Variants in TBL1Y observed in about 807,000 individuals in gnomAD.
TBL1Y encodes F-box-like/WD repeat-containing protein TBL1Y.
TBL1Y carries 15 observed loss-of-function variants against 12.0 expected under a neutral mutation model. The observed-to-expected ratio is 1.25, with a 90% CI of 0.83 to 1.92. The LOEUF is 1.92. TBL1Y is among the 40% of genes most tolerant of loss of function. The pLI, the probability that TBL1Y is intolerant of heterozygous loss-of-function variation, is 0.00. For missense variants in TBL1Y, 148 were observed against 116.7 expected, an observed-to-expected ratio of 1.27 and a Z score of -1.24; for synonymous variants, 53 against 42.6, an observed-to-expected ratio of 1.24 and a Z score of -0.95.
chrY:6,939,907 G>A, intron 2 of TBL1Y, among the ~76,000 whole-genome samples: 2 of 29,066 alleles, frequency 6.9e-5, no homozygotes, highest in African/African-American at 2.7e-4. Flanking sequence ...ACTCCCAGCC[G>A]CTTCAGGTGA....
chrY:7,090,464 C>T (rs2013170529), intron 18 of TBL1Y, among the ~76,000 whole-genome samples: 1 of 34,108 alleles, frequency 2.9e-5, no homozygotes, highest in African/African-American at 1.1e-4. Flanking sequence ...TGATTCTGCA[C>T]CTCTGAGGAC....
At chrY:7,036,875 C>T in intron 6 of TBL1Y, among the ~76,000 whole-genome samples, 2 of 33,582 alleles carry the variant, frequency 6.0e-5, no homozygotes, top group South Asian at 1.4e-3. Context: ...TGCCGACCCT[C>T]AGCTGCTTTG....
intron 4 of TBL1Y, among the ~76,000 whole-genome samples, chrY:7,016,729 C>T (rs2012553480): frequency 3.0e-5 from 1 of 33,587 alleles, no homozygotes; most frequent in Non-Finnish European, 7.4e-5. Context: ...GTGTCCATCC[C>T]GTTTGTTGGC....
chrY:6,986,367 A>T, intron 3 of TBL1Y, among the ~76,000 whole-genome samples: 1 of 32,847 alleles, frequency 3.0e-5, no homozygotes, highest in African/African-American at 1.2e-4. Context: ...TCTCTACCAA[A>T]AATTTAAAAA....
At chrY:6,969,905 TA>T (rs759455918) in intron 2 of TBL1Y, among the ~76,000 whole-genome samples, 72 of 32,580 alleles carry the variant, frequency 2.2e-3, no homozygotes, top group African/African-American at 7.8e-3. Context: ...ATACCCTAAT[TA>T]AAAAAAATAC....
chrY:7,072,114 G>A (rs779420349), intron 12 of TBL1Y, among the ~76,000 whole-genome samples: 1 of 32,826 alleles, frequency 3.0e-5, no homozygotes, highest in African/African-American at 1.2e-4. Flanking sequence ...TGGCCAGACT[G>A]GTCTTGAACT....
At chrY:7,066,168 A>G in intron 8 of TBL1Y, among the ~76,000 whole-genome samples, 1 of 33,635 alleles carries the variant, frequency 3.0e-5, no homozygotes, top group Non-Finnish European at 7.4e-5. Flanking sequence ...CACCTTCCTG[A>G]ATGATAGACC....
intron 3 of TBL1Y, among the ~76,000 whole-genome samples, chrY:6,994,036 T>C (rs1036489461): frequency 3.0e-5 from 1 of 33,022 alleles, no homozygotes; most frequent in East Asian, 7.9e-4. Flanking sequence ...TTCTCCCTTT[T>C]GGAAATGTAA....
intron 4 of TBL1Y, among the ~76,000 whole-genome samples, chrY:7,003,339 A>T (rs2012464865): frequency 2.9e-5 from 1 of 33,904 alleles, no homozygotes; most frequent in Non-Finnish European, 7.3e-5. Flanking sequence ...TAGGGGAGTG[A>T]AGGTGTGGCA....
chrY:7,048,011 G>T (rs2012771294), intron 7 of TBL1Y, among the ~76,000 whole-genome samples: 1 of 31,916 alleles, frequency 3.1e-5, no homozygotes, highest in Non-Finnish European at 7.6e-5. Flanking sequence ...CACCCACCTT[G>T]GCTTCCCAAA....
chrY:7,063,734 AT>A (rs2012921008), intron 7 of TBL1Y, among the ~76,000 whole-genome samples, 162 bp from the exon 8 acceptor site: 2 of 33,433 alleles, frequency 6.0e-5, no homozygotes, highest in African/African-American at 2.4e-4. Flanking sequence ...TTTAGAACTC[AT>A]ATCTAACAGG....
intron 2 of TBL1Y, among the ~76,000 whole-genome samples, chrY:6,974,866 T>C (rs775451557): frequency 3.0e-5 from 1 of 33,750 alleles, no homozygotes; most frequent in South Asian, 6.7e-4. Context: ...ATACATTTAT[T>C]GGTATGACCA....
At chrY:6,993,054 G>T (rs2012378466) in intron 3 of TBL1Y, among the ~76,000 whole-genome samples, 1 of 33,206 alleles carries the variant, frequency 3.0e-5, no homozygotes, top group African/African-American at 1.2e-4. Flanking sequence ...ACTCTATACT[G>T]TGTACAGCTG....
intron 7 of TBL1Y, among the ~76,000 whole-genome samples, chrY:7,062,908 C>A (rs2012890796): frequency 1.5e-4 from 5 of 34,082 alleles, no homozygotes; most frequent in Admixed American, 2.6e-4. Flanking sequence ...GTGGTCCCGA[C>A]CACCAAGGAA....
At chrY:6,988,665 CATAAATAAATAA>C (rs201788457) in intron 3 of TBL1Y, among the ~76,000 whole-genome samples, 2 of 26,952 alleles carry the variant, frequency 7.4e-5, no homozygotes, top group Non-Finnish European at 1.6e-4. Context: ...GCCTCAAAAA[CATAAATAAATAA>C]ATAAATAAAT....
intron 8 of TBL1Y, among the ~76,000 whole-genome samples, chrY:7,064,788 G>A (rs188114609): frequency 1.8e-4 from 6 of 33,407 alleles, no homozygotes; most frequent in African/African-American, 7.0e-4. Context: ...GGGAGGGTGT[G>A]TATATACATG....
intron 2 of TBL1Y, among the ~76,000 whole-genome samples, chrY:6,923,496 ATCATTTATTTACTTT>A (rs2011797131): frequency 1.2e-4 from 4 of 33,963 alleles, no homozygotes; most frequent in African/African-American, 4.6e-4. Context: ...TCAGTAATAA[ATCATTTATTTACTTT>A]TATTTTTTAT....
In TBL1Y at chrY:7,080,888, A is replaced by T. The variant is rs1243424141; in HGVS notation, c.1077+35A>T. 1.0e-5 allele frequency: 4 copies of T among 397,206 alleles called. No homozygotes were observed. In the African/African-American group the frequency reaches 1.8e-4, roughly 18 times the overall value. On this transcript the variant is annotated intron_variant, in intron 14 of 18. Transcript: ENST00000383032. Reference sequence around the variant, plus strand: ...AGCTCTTGTCACTGGTCTCGAGTTCATGAGAAGGTGATGTGGGAGCCAATT... The same window carrying T: ...AGCTCTTGTCACTGGTCTCGAGTTCTTGAGAAGGTGATGTGGGAGCCAATT...
At chrY:7,044,579 TA>T (rs2012747952) in intron 7 of TBL1Y, among the ~76,000 whole-genome samples, 1 of 33,854 alleles carries the variant, frequency 3.0e-5, no homozygotes, top group African/African-American at 1.2e-4. Context: ...TTTCATGATT[TA>T]AAAACCTCTT....
Sources: allele counts gnomAD v4.1 joint callset (sites outside exome capture counted in the v4.1 genomes callset), GRCh38; gene constraint gnomAD v4.1.1; transcripts MANE v1.5; gene names NCBI Gene and HGNC (gene_info 2026-07-23, HGNC 2026-07-21).